The following TOX2 variants were observed in gnomAD, a reference collection of about 807,000 sequenced individuals.
The protein encoded by TOX2 is granulosa cell HMG box 1.
A neutral mutation model predicts 47.4 loss-of-function variants in TOX2; 15 were observed. That is an observed-to-expected ratio of 0.32 (90% CI 0.21 to 0.49). The LOEUF (loss-of-function observed/expected upper bound fraction) is 0.49, where lower values mean the gene tolerates loss of function less well. TOX2 is among the 20% of genes least tolerant of loss of function. The probability of loss-of-function intolerance (pLI) is 0.99; values close to 1 mark genes in which losing one functional copy is unlikely to be tolerated. For synonymous variants in TOX2, 290 were observed against 296.6 expected (o/e 0.98, Z 0.23); for missense variants, 622 against 673.1 (o/e 0.92, Z 0.84).
intron 1 of TOX2, among the ~76,000 whole-genome samples, chr20:43,921,624 A>T (rs1245665604): frequency 6.6e-6 from 1 of 151,542 alleles, no homozygotes; most frequent in South Asian, 2.1e-4. Context: ...CTGCTGGAGG[A>T]TGCTCCACAG....
chr20:44,063,754 A>G (rs965140129), intron 5 of TOX2, among the ~76,000 whole-genome samples: 5 of 147,982 alleles, frequency 3.4e-5, no homozygotes, highest in African/African-American at 1.3e-4. Context: ...ACACACATAT[A>G]TATGTACACA....
At chr20:43,955,860 A>G (rs1390667892) in intron 1 of TOX2, among the ~76,000 whole-genome samples, 1 of 152,158 alleles carries the variant, frequency 6.6e-6, no homozygotes, top group Non-Finnish European at 1.5e-5. Context: ...CTTAGTTAGC[A>G]TCTACAACCC....
intron 2 of TOX2, among the ~76,000 whole-genome samples, chr20:43,997,353 A>G (rs573743920): frequency 1.9e-4 from 29 of 152,342 alleles, no homozygotes; most frequent in Non-Finnish European, 3.8e-4. Context: ...CACAGTGGAA[A>G]TTTTTAACAC....
At chr20:43,944,550 CCAG>C (rs10582097) in intron 1 of TOX2, among the ~76,000 whole-genome samples, 21,454 of 152,100 alleles carry the variant, frequency 0.14, 3,787 homozygotes, top group African/African-American at 0.41. Flanking sequence ...AATCCCCCTT[CCAG>C]CCTCTCCCTC....
chr20:43,944,450 CA>C (rs2069439835), intron 1 of TOX2, among the ~76,000 whole-genome samples: 1 of 152,124 alleles, frequency 6.6e-6, no homozygotes, highest in African/African-American at 2.4e-5. Context: ...GTGTGAAGGT[CA>C]GGGGAAGAGC....
At chr20:44,025,997 T>C (rs879438704) in intron 3 of TOX2, among the ~76,000 whole-genome samples, 1 of 151,930 alleles carries the variant, frequency 6.6e-6, no homozygotes, top group Non-Finnish European at 1.5e-5. Context: ...CATAGTCCTC[T>C]GACGTGGCCA....
chr20:43,987,843 G>T (rs563941884), intron 2 of TOX2, among the ~76,000 whole-genome samples: 16 of 151,690 alleles, frequency 1.1e-4, no homozygotes, highest in Non-Finnish European at 2.1e-4. Context: ...GCTCAGCTCT[G>T]CAGGCTCTGG....
intron 3 of TOX2, among the ~76,000 whole-genome samples, chr20:44,045,425 C>T (rs77945634): frequency 5.0e-4 from 76 of 152,276 alleles, no homozygotes; most frequent in African/African-American, 1.8e-3. Context: ...GACAATGCCC[C>T]GCAGTTCATT....
intron 1 of TOX2, among the ~76,000 whole-genome samples, chr20:43,941,552 C>T (rs575743442): frequency 2.0e-5 from 3 of 152,212 alleles, no homozygotes; most frequent in Admixed American, 6.5e-5. Context: ...AGGCTGGTCT[C>T]GAACTCCTGA....
At chr20:44,005,872 C>T (rs1416838625) in intron 2 of TOX2, among the ~76,000 whole-genome samples, 1 of 151,962 alleles carries the variant, frequency 6.6e-6, no homozygotes, top group African/African-American at 2.4e-5. Context: ...GGAAAAAGGC[C>T]CGGATGTCTG....
At chr20:43,999,869 T>G (rs2070544675) in intron 2 of TOX2, among the ~76,000 whole-genome samples, 1 of 152,190 alleles carries the variant, frequency 6.6e-6, no homozygotes, top group South Asian at 2.1e-4. Flanking sequence ...GATAGACATA[T>G]AGACCAATGG....
chr20:43,968,326 T>G (rs990025890), intron 1 of TOX2, among the ~76,000 whole-genome samples: 1 of 152,242 alleles, frequency 6.6e-6, no homozygotes, highest in Non-Finnish European at 1.5e-5. Context: ...CTTAAAGCAG[T>G]TAAGCAATTT....
intron 2 of TOX2, among the ~76,000 whole-genome samples, chr20:44,001,541 C>T (rs1569082545): frequency 6.6e-6 from 1 of 152,172 alleles, no homozygotes; most frequent in Non-Finnish European, 1.5e-5. Flanking sequence ...TTGTGTGATT[C>T]CAATATTTTG....
intron 3 of TOX2, among the ~76,000 whole-genome samples, chr20:44,015,084 C>T (rs2070855220): frequency 1.3e-5 from 2 of 152,000 alleles, no homozygotes; most frequent in African/African-American, 4.8e-5. Flanking sequence ...TTCCAAGGTG[C>T]CATGCTTTTG....
At chr20:43,988,392 G>A (rs1032257113) in intron 2 of TOX2, among the ~76,000 whole-genome samples, 4 of 152,152 alleles carry the variant, frequency 2.6e-5, no homozygotes, top group African/African-American at 4.8e-5. Context: ...ACAAATATAA[G>A]CAAATACAAA....
intron 3 of TOX2, among the ~76,000 whole-genome samples, chr20:44,046,959 A>T (rs1488130749): frequency 6.6e-6 from 1 of 152,234 alleles, no homozygotes; most frequent in Admixed American, 6.5e-5. Context: ...TATAACAAAA[A>T]TCTCAGTACT....
intron 4 of TOX2, among the ~76,000 whole-genome samples, chr20:44,053,487 C>CAT (rs1259451547): frequency 6.8e-6 from 1 of 146,630 alleles, no homozygotes; most frequent in Non-Finnish European, 1.5e-5. Context: ...TATATACACA[C>CAT]ATATATATAC....
chr20:43,967,785 ATATAT>A (rs1158569134), intron 1 of TOX2, among the ~76,000 whole-genome samples: 1 of 152,012 alleles, frequency 6.6e-6, no homozygotes, highest in Non-Finnish European at 1.5e-5. Context: ...AATTTTGATG[ATATAT>A]TTTATTTATC....
At chr20:43,959,749 G>A (rs976614506) in intron 1 of TOX2, among the ~76,000 whole-genome samples, 1 of 152,210 alleles carries the variant, frequency 6.6e-6, no homozygotes, top group Non-Finnish European at 1.5e-5. Context: ...ATTGCCTTTG[G>A]TAAGAATCAG....
Sources: allele counts gnomAD v4.1 joint callset (sites outside exome capture counted in the v4.1 genomes callset), GRCh38; gene constraint gnomAD v4.1.1; transcripts MANE v1.5; gene names NCBI Gene and HGNC (gene_info 2026-07-23, HGNC 2026-07-21).